Variants in FERMT3 observed in about 807,000 individuals in gnomAD.
FERMT3 encodes fermitin family homolog 3.
In FERMT3, 33 loss-of-function variants were observed where a neutral mutation model predicts 80.8. The ratio of observed to expected loss-of-function variants is 0.41; its 90% CI spans 0.31 to 0.55. The LOEUF is 0.55. Among genes scored for constraint, FERMT3 ranks in the 20% least tolerant of loss-of-function variants. FERMT3 has a pLI of 0.31. For missense variants in FERMT3, 754 were observed against 908.7 expected (o/e 0.83, Z 2.19); for synonymous variants, 375 against 372.2 (o/e 1.01, Z -0.09).
At chr11:64,221,667 A>G (rs563312141) in intron 13 of FERMT3, among the ~76,000 whole-genome samples, 1 of 150,756 alleles carries the variant, frequency 6.6e-6, no homozygotes, top group East Asian at 2.0e-4. Context: ...GGTGGCTCAC[A>G]CCTGTAATCT....
At chr11:64,218,156 A>G (rs12420070) in intron 6 of FERMT3, among the ~76,000 whole-genome samples, 45,998 of 151,678 alleles carry the variant, frequency 0.3, 7,400 homozygotes, top group Admixed American at 0.39. Flanking sequence ...GGCGCCCGCC[A>G]CCACGCCTGG....
At chr11:64,212,468 T>G (rs1224514574) in intron 6 of FERMT3, among the ~76,000 whole-genome samples, 1 of 152,224 alleles carries the variant, frequency 6.6e-6, no homozygotes, top group Non-Finnish European at 1.5e-5. Flanking sequence ...ATGGCTATTC[T>G]ATATATTTTG....
At chr11:64,217,688 C>T (rs1946580982) in intron 6 of FERMT3, among the ~76,000 whole-genome samples, 1 of 152,202 alleles carries the variant, frequency 6.6e-6, no homozygotes, top group South Asian at 2.1e-4. Flanking sequence ...GTCTCCTTGC[C>T]ATCACTTGGC....
At chr11:64,212,367 C>G (rs1005989046) in intron 6 of FERMT3, among the ~76,000 whole-genome samples, 1 of 152,222 alleles carries the variant, frequency 6.6e-6, no homozygotes, top group East Asian at 1.9e-4. Flanking sequence ...TGCAAAACAT[C>G]GTAGTTGTCT....
upstream of FERMT3, among the ~76,000 whole-genome samples, chr11:64,206,081 G>A (rs920639460): frequency 9.2e-5 from 14 of 152,134 alleles, no homozygotes; most frequent in Non-Finnish European, 1.8e-4. Flanking sequence ...ACTCGGGGAG[G>A]CTCATCCAAG....
chr11:64,209,980 A>G (rs2134838833), intron 2 of FERMT3, among the ~76,000 whole-genome samples: 1 of 152,300 alleles, frequency 6.6e-6, no homozygotes, highest in South Asian at 2.1e-4. Flanking sequence ...ATGCTCACTC[A>G]TGGATCGTCA....
At position 64,211,089 on chromosome 11, in the gene FERMT3, T is replaced by G. The variant is rs752383968; in HGVS notation, c.432T>G (p.Ala144=). 11 of 1,581,828 alleles carry G rather than the reference T, an allele frequency of 7.0e-6. No homozygotes were observed. In the Admixed American group the frequency reaches 1.8e-4, roughly 26 times the overall value. Residue 144 remains alanine (A), a synonymous_variant, in exon 4 of 15, where the codon GCT becomes GCG. Coordinates refer to ENST00000345728, the MANE Select transcript of FERMT3 (RefSeq NM_031471.6). This position sits in a 1 kb window ranked among gnomAD's most constrained non-coding sequence, Gnocchi z 4.7. The stretch of plus-strand genomic sequence containing the variant: ...CCGAGGAGCTGTCCCTGCTCCGGGC[T>G]CCTGAGAAGAAGGAGAAGAAGAAGA... ...RHPEELSLLR[A]PEKKEKKKKE... is the part of the protein sequence containing the mutation.
chr11:64,211,571 C>T lies in FERMT3; in HGVS notation c.684-74C>T. ...CCTTTTCTCTGTGTGTGCTTGTCCC[C>T]CCAGCCCAGCCCCCCTCCCCACCCC... On this transcript the variant is annotated intron_variant, in intron 5 of 14. Transcript: ENST00000345728. The surrounding 1 kb of genome is among the most constrained non-coding windows in gnomAD (Gnocchi z 4.7). 6.5e-7 allele frequency: 1 copy of T among 1,534,102 alleles called. No homozygotes were observed. Among genetic ancestry groups the T allele is most frequent in the Non-Finnish European group, 8.8e-7 (1 of 1,132,126 alleles).
In FERMT3 at chr11:64,220,647, A is replaced by C. The variant is rs138031026; in HGVS notation, c.1523A>C (p.Gln508Pro). 351 of 1,611,396 alleles carry C rather than the reference A, an allele frequency of 2.2e-4. 1 individual carries two copies. The African/African-American group carries it at 4.4e-3, about 20-fold the overall frequency. ...NPYGLVAPRF[Q>P]RKFKAKQLTP... ...TACGGCCTCGTTGCCCCCCGTTTCC[A>C]GCGAAAGTTCAAGGCCAAGCAGGTA... is the stretch of plus-strand genomic sequence containing the variant. Residue 508 changes from glutamine to proline, a missense_variant, in exon 12 of 15, where the codon CAG (glutamine) becomes CCG (proline). Gln to Pro is a moderately conservative substitution (Grantham distance 76, BLOSUM62 -1). Transcript: ENST00000345728.
chr11:64,214,733 A>G (rs1202771837), intron 6 of FERMT3, among the ~76,000 whole-genome samples: 1 of 151,102 alleles, frequency 6.6e-6, no homozygotes. Context: ...TAAAATATCT[A>G]TTGAATTTTT....
Position 64,220,492 on chromosome 11 carries a change from C to T in FERMT3, c.1368C>T (p.Thr456=). 1 of 1,609,074 alleles carries T rather than the reference C, an allele frequency of 6.2e-7. No individual in the cohort carries two copies. The highest frequency in any genetic ancestry group is 8.5e-7 in the Non-Finnish European group (1 of 1,178,266). Residue 456 remains threonine, a synonymous_variant, in exon 12 of 15, where the codon ACC becomes ACT. Transcript: ENST00000345728. ...GCCGCCTGGCCTCCAAAGGCCGCAC[C>T]ATGGCCGACAGCAGCTACACCAGCG... The part of the protein sequence containing the change: ...AGCRLASKGR[T]MADSSYTSEV...
chr11:64,216,204 T>G (rs1004081943), intron 6 of FERMT3, among the ~76,000 whole-genome samples: 1 of 150,160 alleles, frequency 6.7e-6, no homozygotes, highest in African/African-American at 2.5e-5. Context: ...AGGATTTTTT[T>G]TTTTTTTTTT....
In FERMT3 at chr11:64,211,369, G is replaced by T; in HGVS notation, c.609G>T (p.Pro203=). Residue 203 remains proline (P), a synonymous_variant, in exon 5 of 15, where the codon CCG becomes CCT. Coordinates refer to ENST00000345728, the MANE Select transcript of FERMT3 (RefSeq NM_031471.6). The surrounding 1 kb of genome is among the most constrained non-coding windows in gnomAD (Gnocchi z 4.7). ...ACCACATGCTGAGCCGGCCCCAGCCGCCACCCGACCCCCTCCTGCTCCAGC... is the reference window on the plus strand; with the variant it reads ...ACCACATGCTGAGCCGGCCCCAGCCTCCACCCGACCCCCTCCTGCTCCAGC... The part of the protein sequence containing the change: ...ACYHMLSRPQ[P]PPDPLLLQRL... 6.2e-7 allele frequency: 1 copy of T among 1,609,836 alleles called. No individual in the cohort carries two copies. Among genetic ancestry groups the T allele is most frequent in the Non-Finnish European group, 8.5e-7 (1 of 1,178,764 alleles).
Position 64,221,067 on chromosome 11 carries a change from G to A in FERMT3, c.1597G>A (p.Ala533Thr). 1 of 1,612,632 alleles carries A rather than the reference G, an allele frequency of 6.2e-7. No homozygotes were observed. Among genetic ancestry groups the A allele is most frequent in the Non-Finnish European group, 8.5e-7 (1 of 1,180,018 alleles). ...CCAGAATGTGGCCCAGTTGTCGCTG[G>A]CAGAGGCCCAGCTGCGCTTCATCCA... is the stretch of plus-strand genomic sequence containing the variant. Reference protein sequence around the residue: ...AHQNVAQLSLAEAQLRFIQAW... With the variant: ...AHQNVAQLSLTEAQLRFIQAW... Residue 533 changes from alanine (A) to threonine (T), a missense_variant, in exon 13 of 15, where the codon GCA becomes ACA. Physicochemically the swap from Ala to Thr is moderately conservative, Grantham distance 58. Transcript: ENST00000345728.
At chr11:64,223,244 T>G in intron 14 of FERMT3, 55 bp downstream of exon 14, 1 of 1,613,084 alleles carries the variant, frequency 6.2e-7, no homozygotes, top group Non-Finnish European at 8.5e-7. Context: ...CGGAGCTGGA[T>G]CCAGCCAGGG....
intron 2 of FERMT3, 158 bp downstream of exon 2, chr11:64,207,682 C>A: frequency 1.2e-6 from 1 of 868,082 alleles, no homozygotes; most frequent in Non-Finnish European, 1.7e-6. Context: ...AAAGACATTT[C>A]CCCAACTTCC....
chr11:64,212,830 T>A (rs1185046834), intron 6 of FERMT3, among the ~76,000 whole-genome samples: 1 of 152,102 alleles, frequency 6.6e-6, no homozygotes, highest in African/African-American at 2.4e-5. Flanking sequence ...ATCTCCACAC[T>A]CTCTCCCAGC....
In FERMT3 at chr11:64,210,067, C is replaced by T. The variant is rs1351308266; in HGVS notation, c.161-544C>T. On this transcript the variant is annotated intron_variant, in intron 2 of 14. Transcript: ENST00000345728. The surrounding 1 kb of genome is among the most constrained non-coding windows in gnomAD (Gnocchi z 4.3). ...TGTTCCGTGTCCCAGTTTGTAAGAT[C>T]GTTATTGTATCTTACAGGGAAACTG... Among the ~76,000 whole-genome samples, 2 of 152,138 alleles carry T rather than the reference C, an allele frequency of 1.3e-5. No individual in the cohort carries two copies. Among genetic ancestry groups the T allele is most frequent in the Non-Finnish European group, 2.9e-5 (2 of 68,034 alleles).
chr11:64,207,859 C>A, intron 2 of FERMT3: 1 of 222,512 alleles, frequency 4.5e-6, no homozygotes, highest in Non-Finnish European at 9.0e-6. Flanking sequence ...CTAGGTGACC[C>A]AGGGGCCTGC....
Sources: allele counts gnomAD v4.1 joint callset (sites outside exome capture counted in the v4.1 genomes callset), GRCh38; gene constraint gnomAD v4.1.1; non-coding constraint Gnocchi (gnomAD v3.1); transcripts MANE v1.5; gene names NCBI Gene and HGNC (gene_info 2026-07-23, HGNC 2026-07-21).